NALF1: variants seen among roughly 807,000 people sequenced by gnomAD.
NALF1 encodes family with sequence similarity 155 member A.
A neutral mutation model predicts 48.4 loss-of-function variants in NALF1; 3 were observed. That is an observed-to-expected ratio of 0.06 (90% CI 0.03 to 0.16). NALF1 has a LOEUF of 0.16. NALF1 is among the 10% of genes least tolerant of loss of function. NALF1 has a pLI of 1.00. For missense variants in NALF1, 526 were observed against 571.5 expected (o/e 0.92, Z 0.81); for synonymous variants, 262 against 245.7 (o/e 1.07, Z -0.62).
At chr13:107,339,024 C>T (rs1419886090) in intron 1 of NALF1, among the ~76,000 whole-genome samples, 1 of 151,356 alleles carries the variant, frequency 6.6e-6, no homozygotes, top group East Asian at 2.0e-4. Context: ...GTTCCAGGTA[C>T]TCGGGAGGCT....
intron 1 of NALF1, among the ~76,000 whole-genome samples, chr13:107,552,218 ACT>A (rs1348713466): frequency 6.6e-6 from 1 of 152,018 alleles, no homozygotes; most frequent in Non-Finnish European, 1.5e-5. Flanking sequence ...GGAAAGTGAG[ACT>A]CTATCTATTC....
At chr13:107,460,926 T>C (rs543096727) in intron 1 of NALF1, among the ~76,000 whole-genome samples, 1 of 152,328 alleles carries the variant, frequency 6.6e-6, no homozygotes, top group South Asian at 2.1e-4. Flanking sequence ...TAAGATTGTC[T>C]TTAACATCAT....
intron 1 of NALF1, among the ~76,000 whole-genome samples, chr13:107,726,960 T>C (rs1285246371): frequency 2.2e-5 from 3 of 139,340 alleles, no homozygotes; most frequent in Non-Finnish European, 4.6e-5. Flanking sequence ...TGTGTGTGTG[T>C]GTGAAATGAA....
Position 107,182,910 on chromosome 13 carries a change from A to T in NALF1, c.1088-12124T>A, listed in dbSNP as rs77185704. 1.5e-4 allele frequency among the ~76,000 whole-genome samples: 23 copies of T among 152,352 alleles called. No homozygotes were observed. The East Asian group carries it at 2.7e-3, about 18-fold the overall frequency. The stretch of plus-strand genomic sequence containing the variant: ...TGGAGCTAATTTAGGCAAACAAAAT[A>T]AAAACGGGGGATGGCAGGAATATTA... On this transcript the variant is annotated intron_variant, in intron 2 of 2. Coordinates refer to ENST00000375915, the MANE Select transcript of NALF1 (RefSeq NM_001080396.3).
intron 1 of NALF1, among the ~76,000 whole-genome samples, chr13:107,627,131 CT>C (rs35397551): frequency 0.33 from 50,082 of 151,890 alleles, 9,196 homozygotes; most frequent in East Asian, 0.51. Context: ...GGAAATATTT[CT>C]AACCCAATTG....
chr13:107,598,488 T>G (rs1306200274), intron 1 of NALF1, among the ~76,000 whole-genome samples: 1 of 152,170 alleles, frequency 6.6e-6, no homozygotes, highest in African/African-American at 2.4e-5. Context: ...TAGACCCAGT[T>G]GCTAAGGAAA....
At chr13:107,255,863 A>G (rs908051034) in intron 1 of NALF1, among the ~76,000 whole-genome samples, 2 of 152,154 alleles carry the variant, frequency 1.3e-5, no homozygotes, top group Non-Finnish European at 2.9e-5. Context: ...ATTGTCTTTT[A>G]ATAAAGGAAG....
At position 107,288,282 on chromosome 13, in the gene NALF1, C is replaced by G. The variant is rs1192813532; in HGVS notation, c.916-77527G>C. The stretch of plus-strand genomic sequence containing the variant: ...TCGCCCAGGCTGGAGGGCAGTGGCG[C>G]GATCTCGGCTCACTGCAAGCTCCGC... On this transcript the variant is annotated intron_variant, in intron 1 of 2. Transcript: ENST00000375915. 4.4e-4 allele frequency among the ~76,000 whole-genome samples: 63 copies of G among 144,580 alleles called. No individual in the cohort carries two copies. The East Asian group carries it at 0.012, about 29-fold the overall frequency. The allele number at this position is 144,580 out of a possible 152,430, so 94.9% of individuals were successfully genotyped here.
intron 1 of NALF1, among the ~76,000 whole-genome samples, chr13:107,279,651 C>G (rs1338325308): frequency 1.3e-5 from 2 of 152,188 alleles, no homozygotes; most frequent in Admixed American, 6.5e-5. Flanking sequence ...ATCTCTCTGT[C>G]TTCAATCCCT....
At chr13:107,796,622 T>C (rs1350919754) in intron 1 of NALF1, among the ~76,000 whole-genome samples, 1 of 152,174 alleles carries the variant, frequency 6.6e-6, no homozygotes, top group African/African-American at 2.4e-5. Flanking sequence ...CTTTGTGTCG[T>C]TCCCCTTCCC....
At chr13:107,595,918 T>G (rs903419491) in intron 1 of NALF1, among the ~76,000 whole-genome samples, 4 of 152,146 alleles carry the variant, frequency 2.6e-5, no homozygotes, top group Admixed American at 6.6e-5. Flanking sequence ...TGCCTAGGTT[T>G]TGGATATTGC....
At chr13:107,465,799 T>C (rs1350809465) in intron 1 of NALF1, among the ~76,000 whole-genome samples, 1 of 152,196 alleles carries the variant, frequency 6.6e-6, no homozygotes, top group African/African-American at 2.4e-5. Context: ...AGATTTTGCA[T>C]CTGGTGAAAG....
chr13:107,257,801 G>A (rs1441586308), intron 1 of NALF1, among the ~76,000 whole-genome samples: 3 of 152,114 alleles, frequency 2.0e-5, no homozygotes, highest in Admixed American at 6.6e-5. Flanking sequence ...GGGATGGGGG[G>A]TGGTGATGCA....
At chr13:107,219,581 T>C (rs1187561742) in intron 1 of NALF1, among the ~76,000 whole-genome samples, 1 of 152,218 alleles carries the variant, frequency 6.6e-6, no homozygotes, top group Non-Finnish European at 1.5e-5. Flanking sequence ...AGGCTTTCCT[T>C]CTTTTCCAGA....
chr13:107,264,924 C>T (rs2138857586), intron 1 of NALF1, among the ~76,000 whole-genome samples: 1 of 152,332 alleles, frequency 6.6e-6, no homozygotes, highest in South Asian at 2.1e-4. Context: ...TGATTTTTCA[C>T]TCTTTCAAAC....
At chr13:107,294,361 G>C (rs1040160617) in intron 1 of NALF1, among the ~76,000 whole-genome samples, 3 of 152,110 alleles carry the variant, frequency 2.0e-5, no homozygotes, top group Non-Finnish European at 2.9e-5. Flanking sequence ...TCTTAGGTTA[G>C]ATAACTCGTC....
At chr13:107,716,231 G>A (rs185813186) in intron 1 of NALF1, among the ~76,000 whole-genome samples, 2 of 152,288 alleles carry the variant, frequency 1.3e-5, no homozygotes, top group African/African-American at 2.4e-5. Flanking sequence ...GTGCTGAAAG[G>A]TTCAAAATTC....
intron 1 of NALF1, among the ~76,000 whole-genome samples, chr13:107,766,956 A>G (rs538210709): frequency 1.3e-5 from 2 of 152,332 alleles, no homozygotes; most frequent in Non-Finnish European, 2.9e-5. Context: ...TTTATTTTAT[A>G]TTATGGCTAA....
intron 1 of NALF1, among the ~76,000 whole-genome samples, chr13:107,582,882 C>T (rs1311933721): frequency 5.9e-5 from 9 of 152,166 alleles, no homozygotes; most frequent in Admixed American, 5.9e-4. Context: ...TGCACATCCA[C>T]ACACTGCTCC....
Sources: gnomAD v4.1 joint callset for allele counts (sites outside exome capture counted in the v4.1 genomes callset) on GRCh38, gnomAD v4.1.1 for gene constraint, MANE v1.5 for transcripts, NCBI Gene and HGNC (gene_info 2026-07-23, HGNC 2026-07-21) for gene names.